IQCM: variants seen among roughly 807,000 people sequenced by gnomAD.
IQCM encodes the protein IQ domain-containing protein M.
A neutral mutation model predicts 57.6 loss-of-function variants in IQCM; 45 were observed. That is an observed-to-expected ratio of 0.78 (90% CI 0.62 to 1.00). IQCM has a LOEUF of 1.00. Ranked by LOEUF, IQCM falls within the 50% of genes least tolerant of loss-of-function variation. The pLI is 0.00. For synonymous variants in IQCM, 148 were observed against 158.9 expected (o/e 0.93, Z 0.51); for missense variants, 468 against 511.6 (o/e 0.91, Z 0.82).
intron 12 of IQCM, among the ~76,000 whole-genome samples, chr4:149,506,608 A>G (rs1743840532): frequency 6.6e-6 from 1 of 152,240 alleles, no homozygotes; most frequent in Non-Finnish European, 1.5e-5. Flanking sequence ...AGGCTAGACT[A>G]AACGTGTATC....
intron 12 of IQCM, among the ~76,000 whole-genome samples, chr4:149,447,625 CAG>C (rs1349895224): frequency 1.3e-5 from 2 of 151,364 alleles, no homozygotes; most frequent in South Asian, 2.1e-4. Flanking sequence ...AAAAAATAAA[CAG>C]AGTATCAGTG....
intron 12 of IQCM, among the ~76,000 whole-genome samples, chr4:149,480,116 G>A (rs902400531): frequency 2.0e-5 from 3 of 152,038 alleles, no homozygotes; most frequent in African/African-American, 7.2e-5. Context: ...AATATGCCAT[G>A]GGTAGATCCA....
At chr4:149,491,672 G>A (rs1742110917) in intron 12 of IQCM, among the ~76,000 whole-genome samples, 1 of 151,984 alleles carries the variant, frequency 6.6e-6, no homozygotes, top group African/African-American at 2.4e-5. Flanking sequence ...GGATACTTAG[G>A]TTGATTCTAT....
chr4:149,759,048 A>C (rs2149957493), intron 2 of IQCM, among the ~76,000 whole-genome samples: 1 of 152,336 alleles, frequency 6.6e-6, no homozygotes, highest in South Asian at 2.1e-4. Context: ...AGCAACCACG[A>C]TATCCTTCAG....
At chr4:149,411,562 T>C (rs1733385088) in intron 13 of IQCM, among the ~76,000 whole-genome samples, 1 of 152,108 alleles carries the variant, frequency 6.6e-6, no homozygotes, top group Non-Finnish European at 1.5e-5. Flanking sequence ...ATAAAATTTA[T>C]TGATCAAATA....
intron 7 of IQCM, among the ~76,000 whole-genome samples, chr4:149,641,790 A>G (rs1758214128): frequency 6.6e-6 from 1 of 152,164 alleles, no homozygotes; most frequent in Non-Finnish European, 1.5e-5. Context: ...CATGACTGTA[A>G]TTTACTAGGG....
intron 9 of IQCM, among the ~76,000 whole-genome samples, chr4:149,585,463 T>C (rs1752568061): frequency 6.6e-6 from 1 of 151,764 alleles, no homozygotes; most frequent in Admixed American, 6.6e-5. Context: ...ATATTTTCAA[T>C]TAAGTACATT....
chr4:149,699,695 C>CAAAAAA (rs34250922), intron 5 of IQCM, among the ~76,000 whole-genome samples: 1 of 25,932 alleles, frequency 3.9e-5, no homozygotes, highest in East Asian at 1.2e-3. Context: ...GTTTGAGTGG[C>CAAAAAA]AAAAAAAAAA....
chr4:149,747,628 C>T (rs189704933), intron 2 of IQCM, among the ~76,000 whole-genome samples: 59 of 152,152 alleles, frequency 3.9e-4, no homozygotes, highest in African/African-American at 1.4e-3. Context: ...GATAGGAGAA[C>T]AAGAAATTTA....
chr4:149,784,814 A>G (rs545587667), intron 2 of IQCM, among the ~76,000 whole-genome samples: 58 of 152,354 alleles, frequency 3.8e-4, no homozygotes, highest in South Asian at 1.2e-3. Flanking sequence ...ATATGCATTT[A>G]TTCATTTATT....
intron 7 of IQCM, among the ~76,000 whole-genome samples, chr4:149,643,139 T>G (rs1758345867): frequency 6.6e-6 from 1 of 152,216 alleles, no homozygotes; most frequent in African/African-American, 2.4e-5. Flanking sequence ...TGGTTTTCTT[T>G]GGGCCAAACT....
intron 2 of IQCM, among the ~76,000 whole-genome samples, chr4:149,795,925 T>C (rs1773069123): frequency 6.6e-6 from 1 of 152,198 alleles, no homozygotes; most frequent in South Asian, 2.1e-4. Flanking sequence ...CCAGCAGTTA[T>C]ACCCAGGAAC....
chr4:149,680,146 G>A (rs903061409), intron 7 of IQCM, among the ~76,000 whole-genome samples: 1 of 151,244 alleles, frequency 6.6e-6, no homozygotes, highest in Admixed American at 6.6e-5. Flanking sequence ...ATTCTTATCT[G>A]ATTAAAGATA....
chr4:149,715,295 T>A (rs939610411), intron 5 of IQCM, among the ~76,000 whole-genome samples: 4 of 152,180 alleles, frequency 2.6e-5, no homozygotes, highest in African/African-American at 9.6e-5. Flanking sequence ...AGCACAGGGT[T>A]CAGCCACTGC....
In IQCM at chr4:149,658,527, T is replaced by G. The variant is rs533390511; in HGVS notation, c.565+23591A>C. Among the ~76,000 whole-genome samples, 7 of 152,132 alleles carry G rather than the reference T, an allele frequency of 4.6e-5. No homozygotes were observed. In the South Asian group the frequency reaches 1.4e-3, roughly 31 times the overall value. On this transcript the variant is annotated intron_variant, in intron 7 of 13. Coordinates refer to ENST00000636793, the MANE Select transcript of IQCM (RefSeq NM_001363507.2). The stretch of plus-strand genomic sequence containing the variant: ...TAAGAATTTTAAGATATTTTTTCTA[T>G]TTATGTGAAGAATATTGATATTTTC...
At chr4:149,638,247 T>C (rs1326138735) in intron 7 of IQCM, among the ~76,000 whole-genome samples, 1 of 152,080 alleles carries the variant, frequency 6.6e-6, no homozygotes, top group African/African-American at 2.4e-5. Context: ...CCCACTAACA[T>C]GATTAAAATG....
At chr4:149,459,823 A>G (rs995389676) in intron 12 of IQCM, among the ~76,000 whole-genome samples, 1 of 152,190 alleles carries the variant, frequency 6.6e-6, no homozygotes, top group Non-Finnish European at 1.5e-5. Flanking sequence ...CATTTTGCTT[A>G]TCCATTTACC....
At chr4:149,515,754 G>A (rs1744891858) in intron 12 of IQCM, among the ~76,000 whole-genome samples, 1 of 152,170 alleles carries the variant, frequency 6.6e-6, no homozygotes, top group Non-Finnish European at 1.5e-5. Context: ...CTGATTCACG[G>A]GCTGTAGCCA....
intron 13 of IQCM, among the ~76,000 whole-genome samples, chr4:149,402,362 G>A (rs1226513568): frequency 7.5e-6 from 1 of 133,214 alleles, no homozygotes; most frequent in East Asian, 2.3e-4. Context: ...GGGAGTTTAT[G>A]TTCATGTGAG....
Sources: gnomAD v4.1 joint callset for allele counts (sites outside exome capture counted in the v4.1 genomes callset) on GRCh38, gnomAD v4.1.1 for gene constraint, MANE v1.5 for transcripts, NCBI Gene and HGNC (gene_info 2026-07-23, HGNC 2026-07-21) for gene names.